LINGO1: variants seen among roughly 807,000 people sequenced by gnomAD.
The protein encoded by LINGO1 is leucine-rich repeat and immunoglobulin-like domain-containing nogo receptor-interacting protein 1.
Under a neutral mutation model 37.3 loss-of-function variants are expected in LINGO1, and 11 were observed. The ratio of observed to expected loss-of-function variants is 0.29; its 90% CI spans 0.19 to 0.49. The LOEUF is 0.49. LINGO1 is among the 20% of genes least tolerant of loss of function. LINGO1 has a pLI of 0.99. For synonymous variants in LINGO1, 387 were observed against 403.0 expected, an observed-to-expected ratio of 0.96 and a Z score of 0.48; for missense variants, 585 against 878.2, an observed-to-expected ratio of 0.67 and a Z score of 4.22.
In LINGO1 at chr15:77,613,846, T is replaced by A; in HGVS notation, c.*198A>T. 1.7e-6 allele frequency: 1 copy of A among 596,980 alleles called. No homozygotes were observed. The highest frequency in any genetic ancestry group is 2.9e-6 in the Non-Finnish European group (1 of 341,766). The allele number at this position is 596,980 out of a possible 1,614,324, so 37.0% of individuals were successfully genotyped here. A position where few individuals can be genotyped will look rare whatever the true frequency, so the allele number is the denominator to read the frequency against. ...CCTGTGTAGGTGGGGTCCCCAGGTC[T>A]GGGCTTCTGAGGTCCTGGTAGAAGG... is the stretch of plus-strand genomic sequence containing the variant. On this transcript the variant is annotated 3_prime_UTR_variant, in exon 2 of 2. Coordinates refer to ENST00000355300, the MANE Select transcript of LINGO1 (RefSeq NM_032808.7).
intron 1 of LINGO1, among the ~76,000 whole-genome samples, chr15:77,766,673 C>G (rs1263681581): frequency 6.6e-6 from 1 of 152,164 alleles, no homozygotes; most frequent in Non-Finnish European, 1.5e-5. Flanking sequence ...TCACTCTGTC[C>G]TGCTGCCTTG....
chr15:77,778,077 C>T (rs1323650760), intron 1 of LINGO1, among the ~76,000 whole-genome samples: 1 of 152,170 alleles, frequency 6.6e-6, no homozygotes, highest in Non-Finnish European at 1.5e-5. Context: ...GGGCCAAAAC[C>T]AAAGTGTTGG....
intron 1 of LINGO1, among the ~76,000 whole-genome samples, chr15:77,762,241 C>T (rs1413044696): frequency 6.6e-6 from 1 of 152,198 alleles, no homozygotes; most frequent in East Asian, 1.9e-4. Flanking sequence ...GCAGGCCAGT[C>T]TTTCAGGCTC....
At chr15:77,654,933 C>T (rs1015277292) in intron 3 of LINGO1, among the ~76,000 whole-genome samples, 6 of 152,216 alleles carry the variant, frequency 3.9e-5, no homozygotes, top group Non-Finnish European at 7.3e-5. Flanking sequence ...TCCACGCCCC[C>T]GCCCTTTCCT....
chr15:77,715,260 A>G (rs1487897257), intron 2 of LINGO1, among the ~76,000 whole-genome samples: 1 of 152,222 alleles, frequency 6.6e-6, no homozygotes, highest in Non-Finnish European at 1.5e-5. Flanking sequence ...GCGTGGGCCC[A>G]GCAGGCAGCC....
chr15:77,621,761 T>C (rs777954233), intron 1 of LINGO1, among the ~76,000 whole-genome samples: 1 of 152,270 alleles, frequency 6.6e-6, no homozygotes, highest in Non-Finnish European at 1.5e-5. Flanking sequence ...ACTCCTTTCC[T>C]GTGCCTGCGG....
chr15:77,802,065 G>A (rs1001973795), intron 1 of LINGO1, among the ~76,000 whole-genome samples: 4 of 152,172 alleles, frequency 2.6e-5, no homozygotes, highest in African/African-American at 4.8e-5. Context: ...GGGAGAGAGA[G>A]AGCGAGGAAA....
chr15:77,759,172 C>T (rs915309399), intron 1 of LINGO1, among the ~76,000 whole-genome samples: 6 of 152,232 alleles, frequency 3.9e-5, no homozygotes, highest in African/African-American at 1.2e-4. Flanking sequence ...TGTGCAGCCA[C>T]CCATGCACAC....
intron 1 of LINGO1, among the ~76,000 whole-genome samples, chr15:77,775,667 C>T (rs1354902324): frequency 6.6e-6 from 1 of 152,192 alleles, no homozygotes; most frequent in African/African-American, 2.4e-5. Context: ...CCTTGTCATA[C>T]AGCCTCCCAT....
intron 1 of LINGO1, among the ~76,000 whole-genome samples, chr15:77,692,498 G>T (rs374225323): frequency 3.3e-5 from 5 of 152,174 alleles, no homozygotes; most frequent in Non-Finnish European, 7.3e-5. Flanking sequence ...GTAAAATAAA[G>T]GTAGCAAGGA....
chr15:77,625,391 C>T (rs1017043712), intron 1 of LINGO1, among the ~76,000 whole-genome samples: 1 of 152,224 alleles, frequency 6.6e-6, no homozygotes, highest in African/African-American at 2.4e-5. Flanking sequence ...AGTGCTGCCA[C>T]TATCCCCATT....
chr15:77,699,179 G>C (rs765727938), upstream of LINGO1, among the ~76,000 whole-genome samples: 64 of 151,934 alleles, frequency 4.2e-4, no homozygotes, highest in Non-Finnish European at 7.1e-4. Flanking sequence ...TGAGGACCTT[G>C]GTAGTCCCCT....
chr15:77,694,577 C>A (rs2075658329), intron 1 of LINGO1, among the ~76,000 whole-genome samples: 1 of 152,198 alleles, frequency 6.6e-6, no homozygotes, highest in Non-Finnish European at 1.5e-5. Context: ...ACTCTTTGCC[C>A]TCTGCCCCAA....
At chr15:77,650,583 C>T (rs1165083147) in intron 3 of LINGO1, among the ~76,000 whole-genome samples, 2 of 152,172 alleles carry the variant, frequency 1.3e-5, no homozygotes, top group Non-Finnish European at 2.9e-5. Context: ...CCTTGTCTGT[C>T]ATGGACTCCC....
intron 2 of LINGO1, among the ~76,000 whole-genome samples, chr15:77,703,686 C>T (rs1028200121): frequency 6.6e-6 from 1 of 152,172 alleles, no homozygotes; most frequent in African/African-American, 2.4e-5. Flanking sequence ...TGACACATTC[C>T]TTTAATCTCT....
intron 1 of LINGO1, among the ~76,000 whole-genome samples, chr15:77,625,384 G>T (rs1293924559): frequency 6.6e-6 from 1 of 152,208 alleles, no homozygotes; most frequent in Non-Finnish European, 1.5e-5. Flanking sequence ...TGAGGTAAGT[G>T]CTGCCACTAT....
intron 1 of LINGO1, among the ~76,000 whole-genome samples, chr15:77,783,437 C>T (rs1030031473): frequency 2.0e-5 from 3 of 152,148 alleles, no homozygotes; most frequent in Non-Finnish European, 2.9e-5. Flanking sequence ...CCTGCCCCTA[C>T]CTTGGTAGGG....
intron 3 of LINGO1, among the ~76,000 whole-genome samples, chr15:77,674,391 C>A (rs2075296782): frequency 6.6e-6 from 1 of 152,246 alleles, no homozygotes; most frequent in Non-Finnish European, 1.5e-5. Context: ...TAATTCCAAT[C>A]ATGCCATGTC....
At chr15:77,660,655 G>A (rs1186714375) in intron 3 of LINGO1, among the ~76,000 whole-genome samples, 2 of 152,198 alleles carry the variant, frequency 1.3e-5, no homozygotes, top group African/African-American at 2.4e-5. Context: ...AAATTCATTC[G>A]GGCTAGTGGA....
Sources: allele counts gnomAD v4.1 joint callset (sites outside exome capture counted in the v4.1 genomes callset), GRCh38; gene constraint gnomAD v4.1.1; transcripts MANE v1.5; gene names NCBI Gene and HGNC (gene_info 2026-07-23, HGNC 2026-07-21).